The following IL1RAPL2 variants were observed in gnomAD, a reference collection of about 807,000 sequenced individuals.
The protein encoded by IL1RAPL2 is X-linked interleukin-1 receptor accessory protein-like 2.
A neutral mutation model predicts 44.1 loss-of-function variants in IL1RAPL2; 3 were observed. The observed-to-expected ratio is 0.07, with a 90% CI of 0.03 to 0.18. The LOEUF is 0.18. Ranked by LOEUF, IL1RAPL2 falls within the 10% of genes least tolerant of loss-of-function variation. IL1RAPL2 has a pLI of 1.00. For missense variants in IL1RAPL2, 391 were observed against 496.4 expected, an observed-to-expected ratio of 0.79 and a Z score of 2.02; for synonymous variants, 181 against 178.8, an observed-to-expected ratio of 1.01 and a Z score of -0.10.
At chrX:105,335,169 T>C (rs1294706611) in intron 5 of IL1RAPL2, among the ~76,000 whole-genome samples, 4 of 110,392 alleles carry the variant, frequency 3.6e-5, no homozygotes, top group Non-Finnish European at 3.8e-5. Flanking sequence ...TTACCTTATA[T>C]TGATGTCTTT....
intron 6 of IL1RAPL2, among the ~76,000 whole-genome samples, chrX:105,565,285 C>G (rs1480938140): frequency 2.7e-5 from 3 of 111,104 alleles, no homozygotes; most frequent in African/African-American, 9.8e-5. Context: ...AGTCTTATAA[C>G]CCAATGTCTT....
At chrX:105,575,623 G>A (rs777993541) in intron 6 of IL1RAPL2, among the ~76,000 whole-genome samples, 19 of 112,126 alleles carry the variant, frequency 1.7e-4, no homozygotes, top group African/African-American at 5.8e-4. Flanking sequence ...GAATAGTGCT[G>A]CAGTGAACAT....
chrX:104,603,953 G>GA, intron 1 of IL1RAPL2, among the ~76,000 whole-genome samples: 1 of 111,399 alleles, frequency 9.0e-6, no homozygotes, highest in East Asian at 2.8e-4. Flanking sequence ...GATATACAGA[G>GA]AACACCACAA....
chrX:105,568,273 C>A (rs1370265927), intron 6 of IL1RAPL2, among the ~76,000 whole-genome samples: 3 of 111,708 alleles, frequency 2.7e-5, no homozygotes. Flanking sequence ...GCAGTATCAT[C>A]CCCTATCACT....
rs998801121 is a variant in IL1RAPL2 at position 105,561,621 on chromosome X, G to A, written c.772+77234G>A. 3.6e-5 allele frequency among the ~76,000 whole-genome samples: 4 copies of A among 111,538 alleles called. No individual in the cohort carries two copies. In the South Asian group the frequency reaches 1.5e-3, roughly 42 times the overall value. ...GTGATATTCATTACTGCCATTTGAA[G>A]GTCATGCATATAAAGCATATATGAG... On this transcript the variant is annotated intron_variant, in intron 6 of 10. Coordinates refer to ENST00000372582, the MANE Select transcript of IL1RAPL2 (RefSeq NM_017416.2).
At chrX:105,665,352 T>C (rs1435192058) in intron 6 of IL1RAPL2, among the ~76,000 whole-genome samples, 89 of 109,771 alleles carry the variant, frequency 8.1e-4, no homozygotes, top group African/African-American at 2.6e-3. Flanking sequence ...TGCGTGTGTG[T>C]GTGTGTGTGT....
At chrX:105,586,435 G>A (rs2037129306) in intron 6 of IL1RAPL2, among the ~76,000 whole-genome samples, 1 of 112,130 alleles carries the variant, frequency 8.9e-6, no homozygotes, top group Non-Finnish European at 1.9e-5. Context: ...GTTGAAGACA[G>A]TATGGGGATT....
At chrX:104,644,746 A>G (rs1179993185) in intron 1 of IL1RAPL2, among the ~76,000 whole-genome samples, 4 of 111,040 alleles carry the variant, frequency 3.6e-5, no homozygotes. Flanking sequence ...GGCAAACATC[A>G]ATTAAAAAAT....
intron 6 of IL1RAPL2, among the ~76,000 whole-genome samples, chrX:105,714,667 A>C (rs750184518): frequency 5.1e-4 from 57 of 111,750 alleles, no homozygotes; most frequent in Non-Finnish European, 9.4e-4. Flanking sequence ...CTCAGAAAAC[A>C]CTAACCCAGT....
At chrX:104,579,590 G>A (rs757776090) in intron 1 of IL1RAPL2, among the ~76,000 whole-genome samples, 1 of 111,224 alleles carries the variant, frequency 9.0e-6, no homozygotes, top group Admixed American at 9.6e-5. Context: ...AGCAACACCC[G>A]CTGGGGCCTA....
At chrX:104,935,841 G>C (rs1925013039) in intron 2 of IL1RAPL2, among the ~76,000 whole-genome samples, 1 of 111,350 alleles carries the variant, frequency 9.0e-6, no homozygotes, top group Non-Finnish European at 1.9e-5. Flanking sequence ...TGTAACTATT[G>C]TGACAGGGCA....
At chrX:105,081,326 C>T (rs2032403329) in intron 2 of IL1RAPL2, among the ~76,000 whole-genome samples, 1 of 111,436 alleles carries the variant, frequency 9.0e-6, no homozygotes, top group Admixed American at 9.6e-5. Context: ...CCAATTTTTG[C>T]CCATTCAGTA....
intron 5 of IL1RAPL2, among the ~76,000 whole-genome samples, chrX:105,321,424 C>A (rs1327138740): frequency 1.8e-5 from 2 of 111,963 alleles, no homozygotes; most frequent in Non-Finnish European, 3.8e-5. Flanking sequence ...AGACTGGCTA[C>A]ATAATTTGCA....
chrX:104,909,587 G>T (rs866276945), intron 2 of IL1RAPL2, among the ~76,000 whole-genome samples: 1 of 111,772 alleles, frequency 8.9e-6, no homozygotes, highest in Non-Finnish European at 1.9e-5. Flanking sequence ...CTGCAGGTCT[G>T]TTGGAGTCCC....
intron 2 of IL1RAPL2, among the ~76,000 whole-genome samples, chrX:104,809,738 TC>T (rs1312130285): frequency 1.8e-5 from 2 of 110,572 alleles, no homozygotes; most frequent in East Asian, 5.6e-4. Context: ...TTTAGTTAGA[TC>T]CCATTTGTCA....
intron 2 of IL1RAPL2, among the ~76,000 whole-genome samples, chrX:104,815,315 G>T (rs1229813060): frequency 9.0e-6 from 1 of 111,248 alleles, no homozygotes; most frequent in Non-Finnish European, 1.9e-5. Context: ...CAAGATGTGG[G>T]CAGGGCTGCA....
At chrX:105,060,585 C>CTTTT (rs1161187469) in intron 2 of IL1RAPL2, among the ~76,000 whole-genome samples, 1,175 of 69,959 alleles carry the variant, frequency 0.017, 31 homozygotes, top group African/African-American at 0.07. Flanking sequence ...TTTTCTTTTT[C>CTTTT]TTTTTTTTTT....
intron 2 of IL1RAPL2, among the ~76,000 whole-genome samples, chrX:104,674,967 C>A (rs1175140172): frequency 9.0e-6 from 1 of 110,678 alleles, no homozygotes; most frequent in African/African-American, 3.3e-5. Flanking sequence ...TTTTTTATTG[C>A]GTCTATTTGA....
intron 6 of IL1RAPL2, among the ~76,000 whole-genome samples, chrX:105,542,707 A>T (rs1351913318): frequency 4.7e-5 from 4 of 84,784 alleles, no homozygotes; most frequent in African/African-American, 1.2e-4. Flanking sequence ...TTATTTATTT[A>T]TTTATTTATT....
Sources: allele counts gnomAD v4.1 joint callset (sites outside exome capture counted in the v4.1 genomes callset), GRCh38; gene constraint gnomAD v4.1.1; transcripts MANE v1.5; gene names NCBI Gene and HGNC (gene_info 2026-07-23, HGNC 2026-07-21).